Variants in UNC13A observed in about 807,000 individuals in gnomAD.
The protein encoded by UNC13A is unc-13 homolog A, also known as protein unc-13 homolog A.
Under a neutral mutation model 219.7 loss-of-function variants are expected in UNC13A, and 61 were observed. That is an observed-to-expected ratio of 0.28 (90% CI 0.23 to 0.34). The LOEUF (loss-of-function observed/expected upper bound fraction) is 0.34, where lower values mean the gene tolerates loss of function less well. Among genes scored for constraint, UNC13A ranks in the 10% least tolerant of loss-of-function variants. The pLI is 1.00. For missense variants in UNC13A, 1,476 were observed against 2,270.3 expected, an observed-to-expected ratio of 0.65 and a Z score of 7.11; for synonymous variants, 920 against 884.6, an observed-to-expected ratio of 1.04 and a Z score of -0.71.
intron 1 of UNC13A, among the ~76,000 whole-genome samples, chr19:17,682,802 C>T (rs1180570907): frequency 1.3e-5 from 2 of 152,114 alleles, no homozygotes; most frequent in Admixed American, 1.3e-4. Flanking sequence ...GTGGCTCATG[C>T]CTGTAATCCC....
rs950335621 is a variant in UNC13A, at chr19:17,601,977, C to G, written c.*4077G>C. 1 of 152,570 alleles carries G rather than the reference C, an allele frequency of 6.6e-6. No individual in the cohort carries two copies. The highest frequency in any genetic ancestry group is 6.5e-5 in the Admixed American group (1 of 15,268). The allele number at this position is 152,570 out of a possible 1,614,324, so 9.5% of individuals were successfully genotyped here. On this transcript the variant is annotated 3_prime_UTR_variant, in exon 44 of 44. Transcript: ENST00000519716. ...AGAGTTCCGGGAGGCCCCAGGTTGTCCCCATCTGCAAAATCGACAGCACAT... is the reference window on the plus strand; with the variant it reads ...AGAGTTCCGGGAGGCCCCAGGTTGTGCCCATCTGCAAAATCGACAGCACAT...
intron 43 of UNC13A, among the ~76,000 whole-genome samples, chr19:17,608,385 T>TATATATATTTATATATAGTATATAA (rs1555775549): frequency 9.4e-5 from 4 of 42,396 alleles, no homozygotes; most frequent in Admixed American, 8.7e-4. Context: ...TGTATATAAA[T>TATATATATTTATATATAGTATATAA]ATATATATAT....
In UNC13A at chr19:17,620,676, T is replaced by C; in HGVS notation, c.4272+17A>G. 1 of 1,611,480 alleles carries C rather than the reference T, an allele frequency of 6.2e-7. No homozygotes were observed. The highest frequency in any genetic ancestry group is 8.5e-7 in the Non-Finnish European group (1 of 1,179,028). On this transcript the variant is annotated intron_variant, in intron 38 of 43. Coordinates refer to ENST00000519716, the MANE Select transcript of UNC13A (RefSeq NM_001080421.3). Reference sequence around the variant, plus strand: ...AGTGGGATGGGAGCCAGACAGACAGTGAGAGGCCGGTCTTACGTCTGAGTG... The same window carrying C: ...AGTGGGATGGGAGCCAGACAGACAGCGAGAGGCCGGTCTTACGTCTGAGTG...
intron 25 of UNC13A, 119 bp from the exon 26 acceptor site, chr19:17,636,276 C>T: frequency 8.0e-7 from 1 of 1,253,592 alleles, no homozygotes; most frequent in Non-Finnish European, 1.1e-6. Context: ...GTGTATGGTT[C>T]AGGTAAGAAA....
intron 25 of UNC13A, among the ~76,000 whole-genome samples, chr19:17,637,328 C>T (rs892477301): frequency 6.8e-6 from 1 of 147,872 alleles, no homozygotes; most frequent in Non-Finnish European, 1.5e-5. Context: ...GACGGAGTCT[C>T]GCTCTGTCAC....
At chr19:17,640,044 TTTTGTTTTGAGACAGAG>T (rs2076952215) in intron 22 of UNC13A, 136 bp from the exon 23 acceptor site, 2 of 908,334 alleles carry the variant, frequency 2.2e-6, no homozygotes, top group African/African-American at 3.3e-5. Flanking sequence ...GCATTTTTTT[TTTTGTTTTGAGACAGAG>T]TCTTGCTCTG....
rs2076516260 is a variant in UNC13A, at chr19:17,605,709, TGCCTCCCGGTACCAG to T, written c.*330_*344del. 5 of 247,454 alleles carry T rather than the reference TGCCTCCCGGTACCAG, an allele frequency of 2.0e-5. No homozygotes were observed. Among genetic ancestry groups the T allele is most frequent in the Non-Finnish European group, 3.8e-5 (5 of 130,570 alleles). The allele number at this position is 247,454 out of a possible 1,614,324, so 15.3% of individuals were successfully genotyped here. On this transcript the variant is annotated 3_prime_UTR_variant, in exon 44 of 44. Coordinates refer to ENST00000519716, the MANE Select transcript of UNC13A (RefSeq NM_001080421.3). The stretch of plus-strand genomic sequence containing the variant: ...GGCTTTTCCAGGGGACATGAGGTGG[TGCCTCCCGGTACCAG>T]AGCCCCGGGATGTGGCCTCCTCCAT...
chr19:17,635,972 T>C (rs2076909121), intron 26 of UNC13A, 52 bp downstream of exon 26: 1 of 1,568,658 alleles, frequency 6.4e-7, no homozygotes, highest in African/African-American at 1.3e-5. Flanking sequence ...CAAAGTTGTA[T>C]ACATACACAC....
intron 42 of UNC13A, among the ~76,000 whole-genome samples, chr19:17,611,115 C>T (rs114346863): frequency 1.8e-3 from 269 of 152,298 alleles, no homozygotes; most frequent in African/African-American, 6.0e-3. Flanking sequence ...ACCAACACTG[C>T]GAAGCCTCCA....
chr19:17,683,161 G>C (rs1331869578), intron 1 of UNC13A, among the ~76,000 whole-genome samples: 1 of 152,166 alleles, frequency 6.6e-6, no homozygotes, highest in African/African-American at 2.4e-5. Context: ...GGGTCTGAGA[G>C]AAGGCTCAAA....
intron 1 of UNC13A, among the ~76,000 whole-genome samples, chr19:17,680,537 G>A (rs113083094): frequency 0.013 from 1,965 of 152,258 alleles, 38 homozygotes; most frequent in African/African-American, 0.045. Flanking sequence ...ACTGATGAAT[G>A]TAGTGGCCGT....
In UNC13A at chr19:17,667,695, G is replaced by C. The variant is rs185573734; in HGVS notation, c.468+422C>G. On this transcript the variant is annotated intron_variant, in intron 6 of 43. Transcript: ENST00000519716. ...TCACCGTGTTGGCCAGGCTGGTCTCGAACTCCTGGCCTCAAATAATCTGCC... is the reference window on the plus strand; with the variant it reads ...TCACCGTGTTGGCCAGGCTGGTCTCCAACTCCTGGCCTCAAATAATCTGCC... Among the ~76,000 whole-genome samples the C allele has an allele frequency of 1.5e-4, 22 of 151,076 alleles. No individual in the cohort carries two copies. The East Asian group carries it at 4.3e-3, about 30-fold the overall frequency.
intron 21 of UNC13A, among the ~76,000 whole-genome samples, 155 bp from the exon 22 acceptor site, chr19:17,640,816 C>T (rs2076960327): frequency 6.6e-6 from 1 of 152,008 alleles, no homozygotes; most frequent in Non-Finnish European, 1.5e-5. Context: ...CTCCGCATCT[C>T]CTCTCCCCTC....
chr19:17,640,038 T>G lies in UNC13A; in HGVS notation c.2788-130A>C, dbSNP rs2076951977. ...AATGTCCATTTCCATTCTATGGCAT[T>G]TTTTTTTTTGTTTTGAGACAGAGTC... On this transcript the variant is annotated intron_variant, in intron 22 of 43. Coordinates refer to ENST00000519716, the MANE Select transcript of UNC13A (RefSeq NM_001080421.3). 11 of 875,162 alleles carry G rather than the reference T, an allele frequency of 1.3e-5. 1 individual carries two copies. In the South Asian group the frequency reaches 1.7e-4, roughly 13 times the overall value. 54.2% of individuals were successfully genotyped at this position (875,162 alleles called of 1,614,324 possible).
chr19:17,678,138 C>T (rs1001856381), intron 1 of UNC13A, among the ~76,000 whole-genome samples: 7 of 152,138 alleles, frequency 4.6e-5, no homozygotes, highest in African/African-American at 1.7e-4. Context: ...AGAGAGAATT[C>T]CCGTGAAGAG....
At chr19:17,682,849 T>A (rs1402328365) in intron 1 of UNC13A, among the ~76,000 whole-genome samples, 1 of 151,780 alleles carries the variant, frequency 6.6e-6, no homozygotes, top group African/African-American at 2.4e-5. Flanking sequence ...GATCACTTGG[T>A]GGTCAGGAGT....
chr19:17,678,302 A>ACC (rs1162374179), intron 1 of UNC13A, among the ~76,000 whole-genome samples: 2 of 152,166 alleles, frequency 1.3e-5, no homozygotes, highest in African/African-American at 2.4e-5. Context: ...AACATGGGGA[A>ACC]ACCTCGTCTC....
At chr19:17,610,276 G>A (rs1382420745) in intron 42 of UNC13A, among the ~76,000 whole-genome samples, 177 bp from the exon 43 acceptor site, 1 of 152,124 alleles carries the variant, frequency 6.6e-6, no homozygotes, top group East Asian at 1.9e-4. Flanking sequence ...GACCAGCCTG[G>A]GCAACATGGT....
intron 41 of UNC13A, among the ~76,000 whole-genome samples, chr19:17,615,012 G>T (rs1051165130): frequency 2.1e-4 from 32 of 152,130 alleles, no homozygotes; most frequent in African/African-American, 7.2e-4. Context: ...GGCTTCGCGG[G>T]GAAGGGTCTT....
Sources: gnomAD v4.1 joint callset for allele counts (sites outside exome capture counted in the v4.1 genomes callset) on GRCh38, gnomAD v4.1.1 for gene constraint, MANE v1.5 for transcripts, NCBI Gene and HGNC (gene_info 2026-07-23, HGNC 2026-07-21) for gene names.